The following DOCK9 variants were observed in gnomAD, a reference collection of about 807,000 sequenced individuals.
The protein encoded by DOCK9 is dedicator of cytokinesis protein 9.
Under a neutral mutation model 263.3 loss-of-function variants are expected in DOCK9, and 89 were observed. The observed-to-expected ratio is 0.34, with a 90% CI of 0.28 to 0.40. DOCK9 has a LOEUF of 0.40. DOCK9 is among the 10% of genes least tolerant of loss of function. The pLI is 1.00. For missense variants in DOCK9, 2,140 were observed against 2,603.4 expected (o/e 0.82, Z 3.87); for synonymous variants, 976 against 973.1 (o/e 1.00, Z -0.06).
At chr13:99,058,011 C>T (rs146855718) in intron 1 of DOCK9, among the ~76,000 whole-genome samples, 91 of 152,134 alleles carry the variant, frequency 6.0e-4, no homozygotes, top group East Asian at 1.9e-3. Flanking sequence ...AGGCAAAAGA[C>T]GGCCAAAACA....
intron 1 of DOCK9, among the ~76,000 whole-genome samples, chr13:99,079,267 C>G (rs1244648499): frequency 1.3e-5 from 2 of 152,160 alleles, no homozygotes; most frequent in African/African-American, 2.4e-5. Flanking sequence ...ATGGTACTTA[C>G]AGAGACAGAC....
At chr13:98,906,742 T>C (rs570335934) in intron 9 of DOCK9, among the ~76,000 whole-genome samples, 7 of 152,322 alleles carry the variant, frequency 4.6e-5, no homozygotes, top group Admixed American at 4.6e-4. Context: ...TAATAGGTCT[T>C]TAGCAATGAT....
intron 1 of DOCK9, among the ~76,000 whole-genome samples, chr13:99,081,480 T>C (rs531089120): frequency 2.6e-5 from 4 of 152,306 alleles, no homozygotes; most frequent in Non-Finnish European, 4.4e-5. Flanking sequence ...GAAGAAGAGT[T>C]TGAAGTTGAA....
chr13:99,049,655 CAG>C (rs1412418485), intron 1 of DOCK9, among the ~76,000 whole-genome samples: 1 of 152,112 alleles, frequency 6.6e-6, no homozygotes, highest in African/African-American at 2.4e-5. Context: ...GCTGGGACCA[CAG>C]GTGTGCGCCA....
intron 26 of DOCK9, 148 bp downstream of exon 26, chr13:98,880,399 T>C: frequency 1.0e-6 from 1 of 984,494 alleles, no homozygotes; most frequent in Non-Finnish European, 1.5e-6. Flanking sequence ...AAGACACAAT[T>C]AGAAAAGTTG....
Position 98,918,189 on chromosome 13 carries a change from G to C in DOCK9, c.718-2686C>G, listed in dbSNP as rs567463305. Among the ~76,000 whole-genome samples the C allele has an allele frequency of 2.9e-3, 441 of 152,316 alleles. 3 individuals are homozygous for C. The highest frequency in any genetic ancestry group is 0.01 in the African/African-American group (419 of 41,566). ...GAAAGACTGAAGTGAGCCCCAAATT[G>C]CCTCAGCTTTCTGCCTGGAGGCAGT... On this transcript the variant is annotated intron_variant, in intron 7 of 52. Coordinates refer to ENST00000682017, the MANE Select transcript of DOCK9 (RefSeq NM_001366683.2).
chr13:99,079,265 T>C (rs561358874), intron 1 of DOCK9, among the ~76,000 whole-genome samples: 12 of 152,334 alleles, frequency 7.9e-5, no homozygotes, highest in African/African-American at 2.6e-4. Context: ...GTATGGTACT[T>C]ACAGAGACAG....
intron 1 of DOCK9, among the ~76,000 whole-genome samples, chr13:98,983,273 C>T (rs1389585531): frequency 1.3e-5 from 2 of 152,074 alleles, no homozygotes; most frequent in Non-Finnish European, 2.9e-5. Flanking sequence ...AAACAAATGA[C>T]TAAAGATTTT....
At chr13:98,883,539 C>A (rs148557269) in intron 22 of DOCK9, among the ~76,000 whole-genome samples, 1 of 152,324 alleles carries the variant, frequency 6.6e-6, no homozygotes. Flanking sequence ...AGCCACCACA[C>A]CCAGCCTCAT....
At chr13:98,929,160 C>T (rs183850305) in intron 3 of DOCK9, among the ~76,000 whole-genome samples, 93 of 152,208 alleles carry the variant, frequency 6.1e-4, no homozygotes, top group African/African-American at 2.0e-3. Flanking sequence ...ATTAAAACAT[C>T]TAATTATTCC....
At chr13:98,905,169 G>A (rs1039736745) in intron 9 of DOCK9, among the ~76,000 whole-genome samples, 2 of 152,298 alleles carry the variant, frequency 1.3e-5, no homozygotes, top group South Asian at 2.1e-4. Context: ...GCAAGAAGGG[G>A]AAGAGGAAGG....
intron 2 of DOCK9, among the ~76,000 whole-genome samples, chr13:98,951,235 C>CA (rs1310297131): frequency 1.3e-5 from 2 of 152,176 alleles, no homozygotes; most frequent in Non-Finnish European, 2.9e-5. Context: ...GTTTTACCTG[C>CA]ATTTTTTAAT....
chr13:98,818,094 CTAAAAA>C (rs2092022096), intron 45 of DOCK9, among the ~76,000 whole-genome samples: 1 of 152,142 alleles, frequency 6.6e-6, no homozygotes, highest in African/African-American at 2.4e-5. Flanking sequence ...CAATAACAAA[CTAAAAA>C]TAGCTTTTAT....
At chr13:98,932,864 A>C (rs1595441515) in intron 2 of DOCK9, among the ~76,000 whole-genome samples, 2 of 152,170 alleles carry the variant, frequency 1.3e-5, no homozygotes, top group Non-Finnish European at 1.5e-5. Context: ...CTAGGTCCTG[A>C]CTTCTTTGTA....
At position 98,925,908 on chromosome 13, in the gene DOCK9, G is replaced by C. The variant is rs1424430752; in HGVS notation, c.345C>G (p.Thr115=). The change falls in exon 4 of 53, where the codon ACC becomes ACG. Residue 115 remains threonine, a synonymous_variant. Coordinates refer to ENST00000682017, the MANE Select transcript of DOCK9 (RefSeq NM_001366683.2). ...QSLFVTECIK[T]YNSDWHLVNY... is the part of the protein sequence containing the mutation. Reference sequence around the variant, plus strand: ...TCACAAGATGCCAGTCAGAGTTATAGGTTTTGATGCACTATTGAAGGGGGA... The same window carrying C: ...TCACAAGATGCCAGTCAGAGTTATACGTTTTGATGCACTATTGAAGGGGGA... 3 of 1,581,932 alleles carry C rather than the reference G, an allele frequency of 1.9e-6. No homozygotes were observed. Among genetic ancestry groups the C allele is most frequent in the Non-Finnish European group, 2.6e-6 (3 of 1,163,840 alleles).
chr13:98,925,308 T>C (rs1404686752), intron 4 of DOCK9, among the ~76,000 whole-genome samples: 1 of 152,224 alleles, frequency 6.6e-6, no homozygotes, highest in Non-Finnish European at 1.5e-5. Flanking sequence ...CGATTCACTT[T>C]GGCCACAACT....
At chr13:98,904,562 CAAAT>C (rs2048798787) in intron 10 of DOCK9, 66 bp downstream of exon 10, 6 of 1,160,374 alleles carry the variant, frequency 5.2e-6, no homozygotes, top group African/African-American at 4.7e-5. Context: ...AACAAATAAA[CAAAT>C]AAGCCCATCG....
At chr13:98,867,143 A>G (rs1251949954) in intron 30 of DOCK9, 4 of 497,318 alleles carry the variant, frequency 8.0e-6, no homozygotes, top group Non-Finnish European at 1.5e-5. Flanking sequence ...AAACAAATAA[A>G]AATAAGCTAT....
chr13:98,991,472 T>C (rs1016246796), intron 1 of DOCK9, among the ~76,000 whole-genome samples: 1 of 152,172 alleles, frequency 6.6e-6, no homozygotes, highest in African/African-American at 2.4e-5. Flanking sequence ...ATTTGCCTAG[T>C]TGAACCTGGA....
Sources: gnomAD v4.1 joint callset for allele counts (sites outside exome capture counted in the v4.1 genomes callset) on GRCh38, gnomAD v4.1.1 for gene constraint, MANE v1.5 for transcripts, NCBI Gene and HGNC (gene_info 2026-07-23, HGNC 2026-07-21) for gene names.